HDGFL2: variants seen among roughly 807,000 people sequenced by gnomAD.
HDGFL2 encodes HDGF like 2.
Under a neutral mutation model 77.1 loss-of-function variants are expected in HDGFL2, and 36 were observed. The ratio of observed to expected loss-of-function variants is 0.47; its 90% CI spans 0.36 to 0.62. The LOEUF (loss-of-function observed/expected upper bound fraction) is 0.62. HDGFL2 is among the 20% of genes least tolerant of loss of function. HDGFL2 has a pLI of 0.00. For synonymous variants in HDGFL2, 463 were observed against 413.1 expected (o/e 1.12, Z -1.46); for missense variants, 976 against 973.4 (o/e 1.00, Z -0.04).
In HDGFL2 at chr19:4,493,735, G is replaced by C. The variant is rs998161634; in HGVS notation, c.711G>C (p.Lys237Asn). 6.6e-7 allele frequency: 1 copy of C among 1,510,952 alleles called. No individual in the cohort carries two copies. Among genetic ancestry groups the C allele is most frequent in the East Asian group, 2.5e-5 (1 of 39,700 alleles). The allele number at this position is 1,510,952 out of a possible 1,614,324, so 93.6% of individuals were successfully genotyped here. Residue 237 changes from lysine to asparagine, a missense_variant, in exon 7 of 16, where the codon AAG (lysine) becomes AAC (asparagine). Lys to Asn is a moderately conservative substitution (Grantham distance 94). This residue lies in a region of HDGFL2 where 567 missense variants were observed against 534.7 expected (regional missense o/e 1.06). Coordinates refer to ENST00000616600, the MANE Select transcript of HDGFL2 (RefSeq NM_001001520.3). ...KAPSASDSDS[K>N]ADSDGAKPEP... ...CATCAGCCTCCGACTCCGACTCCAA[G>C]GCCGATTCGGACGGGGCCAAGCCTG...
At chr19:4,501,822 C>T (rs1458685807) in intron 15 of HDGFL2, 89 bp from the exon 16 acceptor site, 4 of 954,874 alleles carry the variant, frequency 4.2e-6, no homozygotes, top group Admixed American at 7.2e-5. Context: ...AACGGGGGTA[C>T]ACTCCTCGGT....
Position 4,491,672 on chromosome 19 carries a change from C to A in HDGFL2, c.596C>A (p.Thr199Asn). 1 of 1,614,054 alleles carries A rather than the reference C, an allele frequency of 6.2e-7. No individual in the cohort carries two copies. Reference protein sequence around the residue: ...NSESSSESEKTSDQDFTPEKK... With the variant: ...NSESSSESEKNSDQDFTPEKK... ...GAAAGCTCATCTGAGTCGGAGAAGA[C>A]CAGCGACCAGGTGGGCCAGTGGCTC... Residue 199 changes from threonine (T) to asparagine (N), a missense_variant, in exon 5 of 16, where the codon ACC (threonine) becomes AAC (asparagine). By Grantham distance (65) the Thr-to-Asn change is moderately conservative (BLOSUM62 0). Coordinates refer to ENST00000616600, the MANE Select transcript of HDGFL2 (RefSeq NM_001001520.3).
At chr19:4,492,926 CTGTG>C (rs768635874) in intron 6 of HDGFL2, among the ~76,000 whole-genome samples, 2 of 83,680 alleles carry the variant, frequency 2.4e-5, no homozygotes, top group African/African-American at 1.0e-4. Flanking sequence ...TGGTGTGTAT[CTGTG>C]TGTGTGGTGT....
Position 4,491,506 on chromosome 19 carries a change from G to T in HDGFL2, c.490-60G>T, listed in dbSNP as rs1474677090. The T allele has an allele frequency of 4.8e-6, 7 of 1,469,984 alleles. 1 individual carries two copies. The highest frequency in any genetic ancestry group is 1.7e-5 in the Admixed American group (1 of 58,504). The allele number at this position is 1,469,984 out of a possible 1,614,324, so 91.1% of individuals were successfully genotyped here. On this transcript the variant is annotated intron_variant, in intron 4 of 15. Transcript: ENST00000616600. The stretch of plus-strand genomic sequence containing the variant: ...CGTGGGTGGTGGGCAGTCAGCTGGG[G>T]GCTTCCTGCCAGGAGCCCGGCCTTC...
intron 3 of HDGFL2, among the ~76,000 whole-genome samples, chr19:4,486,057 A>G (rs1310049766): frequency 6.7e-6 from 1 of 150,238 alleles, no homozygotes; most frequent in African/African-American, 2.4e-5. Context: ...CGTCTCAAAA[A>G]AAAAAAAAAA....
intron 1 of HDGFL2, among the ~76,000 whole-genome samples, chr19:4,473,432 C>G (rs997400930): frequency 1.3e-5 from 2 of 151,748 alleles, no homozygotes; most frequent in African/African-American, 4.8e-5. Context: ...GGTCTGGGAC[C>G]TGAGGGACCC....
intron 4 of HDGFL2, 36 bp downstream of exon 4, chr19:4,488,912 C>G (rs775369260): frequency 6.6e-7 from 1 of 1,509,932 alleles, no homozygotes; most frequent in Non-Finnish European, 9.0e-7. Flanking sequence ...CCCTTCATCC[C>G]CTTGCCCTGA....
intron 6 of HDGFL2, among the ~76,000 whole-genome samples, chr19:4,493,019 GTGT>G (rs894049641): frequency 6.4e-5 from 9 of 140,166 alleles, no homozygotes; most frequent in African/African-American, 1.9e-4. Context: ...TGGTGCGTGT[GTGT>G]TATCTGTGTG....
chr19:4,479,699 G>A (rs919220191), intron 3 of HDGFL2, among the ~76,000 whole-genome samples: 1 of 151,974 alleles, frequency 6.6e-6, no homozygotes, highest in African/African-American at 2.4e-5. Context: ...CCTGAGGTCA[G>A]GAGGTCAGAC....
chr19:4,498,755 T>A (rs1975776473), intron 12 of HDGFL2, 59 bp from the exon 13 acceptor site: 8 of 1,183,948 alleles, frequency 6.8e-6, no homozygotes, highest in Non-Finnish European at 9.9e-6. Flanking sequence ...ATCGGGGCCC[T>A]GGGACCCCTG....
intron 3 of HDGFL2, among the ~76,000 whole-genome samples, chr19:4,480,963 T>C (rs1257232901): frequency 6.6e-6 from 1 of 150,938 alleles, no homozygotes; most frequent in Admixed American, 6.6e-5. Context: ...TTCAAGCTAT[T>C]CTCCTGCTTT....
intron 3 of HDGFL2, among the ~76,000 whole-genome samples, chr19:4,476,700 A>G (rs912634329): frequency 1.3e-5 from 2 of 151,194 alleles, no homozygotes; most frequent in Admixed American, 6.7e-5. Flanking sequence ...TCATTGGCAA[A>G]TGAGTGTCTG....
Position 4,498,828 on chromosome 19 carries a change from C to A in HDGFL2, c.1488C>A (p.Cys496Ter). The change falls in exon 13 of 16, where the codon TGC becomes TGA. Residue 496 changes from cysteine to a stop codon, truncating the protein, a stop_gained. Coordinates refer to ENST00000616600, the MANE Select transcript of HDGFL2 (RefSeq NM_001001520.3). LOFTEE classifies it high-confidence loss of function. ...LKVDSPDVKR[C>*]LNALEELGTL... ...CCACCCTGCAGGACGTGAAGAGGTGCCTGAATGCCCTAGAGGAGCTGGGAA... is the reference window on the plus strand; with the variant it reads ...CCACCCTGCAGGACGTGAAGAGGTGACTGAATGCCCTAGAGGAGCTGGGAA... 1.2e-6 allele frequency: 2 copies of A among 1,609,050 alleles called. No homozygotes were observed. Among genetic ancestry groups the A allele is most frequent in the Non-Finnish European group, 1.7e-6 (2 of 1,177,498 alleles).
chr19:4,472,397 A>C lies in HDGFL2; in HGVS notation c.47A>C (p.Lys16Thr). 7.5e-7 allele frequency: 1 copy of C among 1,337,290 alleles called. No homozygotes were observed. Among genetic ancestry groups the C allele is most frequent in the Non-Finnish European group, 9.8e-7 (1 of 1,024,360 alleles). The allele number at this position is 1,337,290 out of a possible 1,614,324, so 82.8% of individuals were successfully genotyped here. The change falls in exon 1 of 16, where the codon AAG becomes ACG. Residue 16 changes from lysine to threonine, a missense_variant. By Grantham distance (78) the Lys-to-Thr change is moderately conservative (BLOSUM62 -1). Coordinates refer to ENST00000616600, the MANE Select transcript of HDGFL2 (RefSeq NM_001001520.3). ...GGGGACTTGGTGTTCGCTAAGATGA[A>C]GGGCTACCCTCACTGGCCTGCCAGG... ...KPGDLVFAKM[K>T]GYPHWPARID...
intron 6 of HDGFL2, among the ~76,000 whole-genome samples, chr19:4,492,895 G>GT (rs1555687414): frequency 1.7e-5 from 2 of 115,808 alleles, no homozygotes; most frequent in African/African-American, 3.6e-5. Context: ...TGTTATCTGT[G>GT]GTGTGTGTGT....
Position 4,501,502 on chromosome 19 carries a change from C to T in HDGFL2, c.1916+185C>T, listed in dbSNP as rs1274027204. 3 of 638,690 alleles carry T rather than the reference C, an allele frequency of 4.7e-6. No individual in the cohort carries two copies. The South Asian group carries it at 7.0e-5, about 15-fold the overall frequency. The allele number at this position is 638,690 out of a possible 1,614,324, so 39.6% of individuals were successfully genotyped here. On this transcript the variant is annotated intron_variant, in intron 15 of 15. Transcript: ENST00000616600. Reference sequence around the variant, plus strand: ...CGCTGGCTGGCACTTCCGGCGGCCCCTACAGAGAGGCAGCTCCAGGGCTTT... The same window carrying T: ...CGCTGGCTGGCACTTCCGGCGGCCCTTACAGAGAGGCAGCTCCAGGGCTTT...
chr19:4,472,557 G>A (rs1974969418), intron 1 of HDGFL2, 135 bp downstream of exon 1: 1 of 514,672 alleles, frequency 1.9e-6, no homozygotes, highest in African/African-American at 2.1e-5. Flanking sequence ...TGGGGTTCAT[G>A]GGGTCTGGGG....
rs771341031 is a variant in HDGFL2 at position 4,502,185 on chromosome 19, T to C, written c.*175T>C. On this transcript the variant is annotated 3_prime_UTR_variant, in exon 16 of 16. Coordinates refer to ENST00000616600, the MANE Select transcript of HDGFL2 (RefSeq NM_001001520.3). ...ATTTCCAACCAACATGAAATGACTATAAATGGTTTTTTAATGAAAAAAGAA... is the reference window on the plus strand; with the variant it reads ...ATTTCCAACCAACATGAAATGACTACAAATGGTTTTTTAATGAAAAAAGAA... The C allele has an allele frequency of 4.4e-5, 30 of 678,808 alleles. No individual in the cohort carries two copies. The highest frequency in any genetic ancestry group is 1.6e-5 in the South Asian group (1 of 61,360). The allele number at this position is 678,808 out of a possible 1,614,324, so 42.0% of individuals were successfully genotyped here.
intron 9 of HDGFL2, 137 bp from the exon 10 acceptor site, chr19:4,496,165 A>G: frequency 5.6e-6 from 4 of 708,354 alleles, no homozygotes; most frequent in Non-Finnish European, 1.0e-5. Flanking sequence ...CTCCTCTCCC[A>G]TCCTGCCCCA....
Sources: gnomAD v4.1 joint callset for allele counts (sites outside exome capture counted in the v4.1 genomes callset) on GRCh38, gnomAD v4.1.1 for gene constraint, gnomAD v4.1.1 regional missense constraint, MANE v1.5 for transcripts, NCBI Gene and HGNC (gene_info 2026-07-23, HGNC 2026-07-21) for gene names.